ACOX3: variants seen among roughly 807,000 people sequenced by gnomAD.
ACOX3 encodes acyl-CoA oxidase 3, pristanoyl, also known as peroxisomal acyl-coenzyme A oxidase 3.
A neutral mutation model predicts 81.5 loss-of-function variants in ACOX3; 73 were observed. That is an observed-to-expected ratio of 0.90 (90% confidence interval 0.74 to 1.09). The LOEUF is 1.09. Ranked by LOEUF, ACOX3 falls within the 50% of genes least tolerant of loss-of-function variation. The pLI is 0.00. For synonymous variants in ACOX3, 387 were observed against 375.1 expected, an observed-to-expected ratio of 1.03 and a Z score of -0.37; for missense variants, 947 against 928.0, an observed-to-expected ratio of 1.02 and a Z score of -0.27.
At chr4:8,388,280 G>GC (rs1183957946) in intron 13 of ACOX3, among the ~76,000 whole-genome samples, 1 of 152,258 alleles carries the variant, frequency 6.6e-6, no homozygotes, top group Non-Finnish European at 1.5e-5. Context: ...TAAGACTGAG[G>GC]CCTTGGGATG....
At chr4:8,409,658 T>C (rs1001237907) in intron 6 of ACOX3, among the ~76,000 whole-genome samples, 1 of 139,698 alleles carries the variant, frequency 7.2e-6, no homozygotes, top group East Asian at 2.2e-4. Context: ...CTGTGCACTG[T>C]GGGCAGGACT....
At chr4:8,372,016 A>C (rs537605125) in intron 16 of ACOX3, among the ~76,000 whole-genome samples, 98 of 152,348 alleles carry the variant, frequency 6.4e-4, no homozygotes, top group African/African-American at 1.9e-3. Flanking sequence ...TGGCCTCCCC[A>C]AGACAGTGGT....
chr4:8,411,005 G>C (rs574355534), intron 5 of ACOX3, among the ~76,000 whole-genome samples: 36 of 152,372 alleles, frequency 2.4e-4, no homozygotes, highest in African/African-American at 8.4e-4. Context: ...GCATGGGTCA[G>C]AAGCGAAGAG....
At chr4:8,376,960 G>A (rs974471395) in intron 14 of ACOX3, among the ~76,000 whole-genome samples, 1 of 152,076 alleles carries the variant, frequency 6.6e-6, no homozygotes, top group South Asian at 2.1e-4. Flanking sequence ...GATAATACAG[G>A]CCTGTGGGGG....
At chr4:8,424,090 A>T (rs923080358) in intron 1 of ACOX3, among the ~76,000 whole-genome samples, 1 of 152,252 alleles carries the variant, frequency 6.6e-6, no homozygotes, top group African/African-American at 2.4e-5. Flanking sequence ...CAGACACACC[A>T]GGGCCCTCAG....
intron 1 of ACOX3, among the ~76,000 whole-genome samples, chr4:8,422,277 AAAAC>A (rs1443848519): frequency 6.6e-6 from 1 of 152,236 alleles, no homozygotes; most frequent in East Asian, 1.9e-4. Flanking sequence ...AGTTAAGAAA[AAAAC>A]AGTGTACCCT....
At chr4:8,404,998 G>T (rs1452208869) in intron 7 of ACOX3, among the ~76,000 whole-genome samples, 1 of 152,124 alleles carries the variant, frequency 6.6e-6, no homozygotes, top group East Asian at 1.9e-4. Flanking sequence ...TGGCCAGGAA[G>T]TTCAAGCCCG....
In ACOX3 at chr4:8,414,875, A is replaced by C; in HGVS notation, c.432T>G (p.Ile144Met). 1 of 1,614,228 alleles carries C rather than the reference A, an allele frequency of 6.2e-7. No individual in the cohort carries two copies. ...SSGSERHLTY[I>M]QKIFRMEIFG... ...TTACCTCCATCCTGAAGATCTTTTG[A>C]ATATATGTGAGATGTCTTTCAGAAC... The change falls in exon 4 of 18, where the codon ATT becomes ATG. Residue 144 changes from isoleucine to methionine, a missense_variant. Coordinates refer to ENST00000356406, the MANE Select transcript of ACOX3 (RefSeq NM_003501.3). The surrounding 1 kb of genome is among the most constrained non-coding windows in gnomAD (Gnocchi z 6.1).
chr4:8,413,843 C>A (rs185376327), intron 5 of ACOX3, among the ~76,000 whole-genome samples: 1 of 152,256 alleles, frequency 6.6e-6, no homozygotes, highest in Non-Finnish European at 1.5e-5. Context: ...AGTCAGACTG[C>A]GGTGGCGGAA....
rs755457059 is a variant in ACOX3, at chr4:8,389,645, A to G, written c.1390T>C (p.Tyr464His). The change falls in exon 12 of 18, where the codon TAT becomes CAT. Residue 464 changes from tyrosine (Y) to histidine (H), a missense_variant. Physicochemically the swap from Tyr to His is moderately conservative, Grantham distance 83. Transcript: ENST00000356406. This position sits in a 1 kb window ranked among gnomAD's most constrained non-coding sequence, Gnocchi z 5.3. Reference protein sequence around the residue: ...NNILLQQTSNYLLGLLAHQVH... With the variant: ...NNILLQQTSNHLLGLLAHQVH... Reference sequence around the variant, plus strand: ...TGGTGTGCCAGGAGACCCAGCAAATAGTTGCTTGTCTGCTGCAGCAGGATG... The same window carrying G: ...TGGTGTGCCAGGAGACCCAGCAAATGGTTGCTTGTCTGCTGCAGCAGGATG... 6.2e-7 allele frequency: 1 copy of G among 1,614,062 alleles called. No individual in the cohort carries two copies. The highest frequency in any genetic ancestry group is 8.5e-7 in the Non-Finnish European group (1 of 1,180,024).
At chr4:8,390,989 C>T (rs1718917285) in intron 11 of ACOX3, among the ~76,000 whole-genome samples, 1 of 142,358 alleles carries the variant, frequency 7.0e-6, no homozygotes, top group Non-Finnish European at 1.6e-5. Flanking sequence ...ATATTGGTCT[C>T]AATCCCAGCA....
At position 8,370,929 on chromosome 4, in the gene ACOX3, C is replaced by T. The variant is rs757529325; in HGVS notation, c.1962G>A (p.Pro654=). Residue 654 remains proline (P), a synonymous_variant, in exon 17 of 18, where the codon CCG becomes CCA. Transcript: ENST00000356406. The surrounding 1 kb of genome is among the most constrained non-coding windows in gnomAD (Gnocchi z 6.3). ...TTACCTCGCCGTCGGCTCTGCCAAT[C>T]GGTGAGTCCAGAACAAAGTCAGGAG... ...IAPPDFVLDS[P]IGRADGELYK... 1.7e-5 allele frequency: 27 copies of T among 1,613,984 alleles called. No individual in the cohort carries two copies. Among genetic ancestry groups the T allele is most frequent in the Middle Eastern group, 1.7e-4 (1 of 6,060 alleles).
At chr4:8,357,467 T>C in the ACOX3 span, 2 of 341,898 alleles carry the variant, frequency 5.8e-6, no homozygotes, top group African/African-American at 2.1e-5. Context: ...ATAAGTGATA[T>C]CTATTTTCAT....
rs893455921 is a variant in ACOX3, at chr4:8,405,980, G to A, written c.751C>T (p.Leu251Phe). Residue 251 changes from leucine (L) to phenylalanine (F), a missense_variant, in exon 7 of 18, where the codon CTC becomes TTC. Transcript: ENST00000356406. The surrounding 1 kb of genome is among the most constrained non-coding windows in gnomAD (Gnocchi z 7.1). ...GVMVGDIGKK[L>F]GQNGLDNGFA... Reference sequence around the variant, plus strand: ...CCATTATCCAGACCGTTCTGCCCGAGTTTTTTTCCTATGTCGCCAACCATC... The same window carrying A: ...CCATTATCCAGACCGTTCTGCCCGAATTTTTTTCCTATGTCGCCAACCATC... 3.1e-6 allele frequency: 5 copies of A among 1,614,034 alleles called. No homozygotes were observed. The highest frequency in any genetic ancestry group is 4.2e-6 in the Non-Finnish European group (5 of 1,180,038).
intron 14 of ACOX3, among the ~76,000 whole-genome samples, chr4:8,380,482 C>A (rs756986945): frequency 6.6e-6 from 1 of 152,222 alleles, no homozygotes; most frequent in Non-Finnish European, 1.5e-5. Context: ...AGCCACTGCA[C>A]CTGGCCCAAT....
chr4:8,375,787 A>C (rs10030108), intron 14 of ACOX3, among the ~76,000 whole-genome samples: 1 of 152,076 alleles, frequency 6.6e-6, no homozygotes, highest in African/African-American at 2.4e-5. Flanking sequence ...CTGTTGCTGC[A>C]TTAGTCTGCT....
At chr4:8,425,308 C>T (rs886284916) in intron 1 of ACOX3, among the ~76,000 whole-genome samples, 1 of 152,062 alleles carries the variant, frequency 6.6e-6, no homozygotes, top group South Asian at 2.1e-4. Context: ...GGGTAATCCC[C>T]TGTAGGAAAC....
chr4:8,408,074 C>T (rs768131756), intron 6 of ACOX3, among the ~76,000 whole-genome samples: 6 of 152,274 alleles, frequency 3.9e-5, no homozygotes, highest in African/African-American at 7.2e-5. Context: ...GGTGGTGCTA[C>T]GGGGAATTTA....
At position 8,392,446 on chromosome 4, in the gene ACOX3, A is replaced by C; in HGVS notation, c.1187T>G (p.Leu396Arg). 5 of 1,588,102 alleles carry C rather than the reference A, an allele frequency of 3.1e-6. No homozygotes were observed. The highest frequency in any genetic ancestry group is 2.6e-6 in the Non-Finnish European group (3 of 1,169,814). ...TGCCAGGGCGTGGATCTCACGTCCA[A>C]GCTCTGCCTTTGGGTGAGGGAATCC... The part of the protein sequence containing the change: ...SGDRSARQAE[L>R]GREIHALASA... Residue 396 changes from leucine to arginine, a missense_variant, in exon 11 of 18, where the codon CTT becomes CGT. Transcript: ENST00000356406.
Sources: allele counts gnomAD v4.1 joint callset (sites outside exome capture counted in the v4.1 genomes callset), GRCh38; gene constraint gnomAD v4.1.1; non-coding constraint Gnocchi (gnomAD v3.1); transcripts MANE v1.5; gene names NCBI Gene and HGNC (gene_info 2026-07-23, HGNC 2026-07-21).